Variants in SLC5A8 observed in about 807,000 individuals in gnomAD.
SLC5A8 encodes the protein solute carrier family 5 member 8.
Under a neutral mutation model 71.9 loss-of-function variants are expected in SLC5A8, and 55 were observed. That is an observed-to-expected ratio of 0.77 (90% CI 0.62 to 0.96). The LOEUF is 0.96. Among genes scored for constraint, SLC5A8 ranks in the 40% least tolerant of loss-of-function variants. The probability of loss-of-function intolerance (pLI) is 0.00; values close to 1 mark genes in which losing one functional copy is unlikely to be tolerated. For synonymous variants in SLC5A8, 307 were observed against 276.1 expected (o/e 1.11, Z -1.11); for missense variants, 701 against 745.3 (o/e 0.94, Z 0.69).
rs748215802 is a variant in SLC5A8 at position 101,187,452 on chromosome 12, GA to G, written c.896del (p.Leu299ProfsTer52). 1.2e-6 allele frequency: 2 copies of G among 1,613,872 alleles called. No homozygotes were observed. The highest frequency in any genetic ancestry group is 1.7e-6 in the Non-Finnish European group (2 of 1,179,902). On this transcript the variant is annotated frameshift_variant, in exon 7 of 15. Transcript: ENST00000536262. LOFTEE classifies it high-confidence loss of function. ...AILTCSVFCGLALYSRYHDCD... is the reference protein window; with the variant it reads ...AILTCSVFCGXALYSRYHDCD... ...AGTCATGGTACCTGGAATATAGGGC[GA>G]GCCCACAAAACACTGAGCATGTGAG... is the stretch of plus-strand genomic sequence containing the variant.
At chr12:101,208,853 A>T (rs1311268104) in intron 1 of SLC5A8, among the ~76,000 whole-genome samples, 2 of 152,094 alleles carry the variant, frequency 1.3e-5, no homozygotes, top group Admixed American at 6.5e-5. Context: ...TAATCCTCCC[A>T]ACTGGATGAG....
intron 10 of SLC5A8, among the ~76,000 whole-genome samples, chr12:101,179,564 T>C (rs1224974344): frequency 1.3e-5 from 2 of 152,210 alleles, no homozygotes; most frequent in Non-Finnish European, 2.9e-5. Flanking sequence ...TCCATGTATG[T>C]AGCATTCTTG....
At chr12:101,190,897 C>T (rs527343576) in intron 5 of SLC5A8, among the ~76,000 whole-genome samples, 1 of 152,122 alleles carries the variant, frequency 6.6e-6, no homozygotes, top group East Asian at 1.9e-4. Context: ...TCTAAGGAAA[C>T]TGTCATTTAA....
intron 7 of SLC5A8, among the ~76,000 whole-genome samples, chr12:101,185,648 G>A (rs1046011375): frequency 7.9e-5 from 12 of 152,058 alleles, no homozygotes; most frequent in East Asian, 7.7e-4. Context: ...GCTCGATCTC[G>A]GCTCACTGCA....
intron 7 of SLC5A8, among the ~76,000 whole-genome samples, chr12:101,184,710 G>A (rs1393664244): frequency 1.3e-5 from 2 of 152,190 alleles, no homozygotes; most frequent in African/African-American, 4.8e-5. Flanking sequence ...GCCATTTTGT[G>A]AACTTCAGTC....
Position 101,166,572 on chromosome 12 carries a change from G to T in SLC5A8, c.1448C>A (p.Thr483Asn), listed in dbSNP as rs2051772649. The T allele has an allele frequency of 6.2e-7, 1 of 1,613,948 alleles. No individual in the cohort carries two copies. The highest frequency in any genetic ancestry group is 8.5e-7 in the Non-Finnish European group (1 of 1,179,946). ...TGTCATCAAATTTGTCTCATTGTAG[G>T]TGCTGTTACAGCCTTGGATATCAAG... ...LHLDIQGCNS[T>N]YNETNLMTTT... The change falls in exon 12 of 15, where the codon ACC becomes AAC. Residue 483 changes from threonine to asparagine, a missense_variant. Coordinates refer to ENST00000536262, the MANE Select transcript of SLC5A8 (RefSeq NM_145913.5).
intron 7 of SLC5A8, 108 bp from the exon 8 acceptor site, chr12:101,184,330 TC>T: frequency 4.6e-6 from 4 of 878,572 alleles, no homozygotes; most frequent in Non-Finnish European, 7.1e-6. Context: ...AAGGAGTTAT[TC>T]CACACAAATG....
rs574266646 is a variant in SLC5A8, at chr12:101,197,893, T to G, written c.470-2731A>C. ...AAAAGCACACAATATACATTCTTTT[T>G]GAGAGCATATGGAATGTTCAAGACA... On this transcript the variant is annotated intron_variant, in intron 3 of 14. Coordinates refer to ENST00000536262, the MANE Select transcript of SLC5A8 (RefSeq NM_145913.5). Among the ~76,000 whole-genome samples, 18 of 152,176 alleles carry G rather than the reference T, an allele frequency of 1.2e-4. No homozygotes were observed. The East Asian group carries it at 3.3e-3, about 28-fold the overall frequency.
chr12:101,171,527 G>A (rs761455901), intron 10 of SLC5A8, among the ~76,000 whole-genome samples: 19 of 152,094 alleles, frequency 1.2e-4, no homozygotes, highest in Non-Finnish European at 2.2e-4. Context: ...AGTTGGTGGC[G>A]CCCTTGGAAA....
chr12:101,188,592 A>C (rs1332675351), intron 6 of SLC5A8, among the ~76,000 whole-genome samples: 4 of 152,156 alleles, frequency 2.6e-5, no homozygotes, highest in Non-Finnish European at 5.9e-5. Context: ...GCCTCTGTTC[A>C]GACTGCATTA....
intron 10 of SLC5A8, among the ~76,000 whole-genome samples, chr12:101,175,916 C>T (rs922033377): frequency 2.0e-5 from 3 of 152,040 alleles, no homozygotes; most frequent in East Asian, 3.9e-4. Context: ...AACCACAGAA[C>T]AACTCACAGG....
chr12:101,206,836 T>C (rs997882583), intron 1 of SLC5A8, among the ~76,000 whole-genome samples: 2 of 152,226 alleles, frequency 1.3e-5, no homozygotes, highest in African/African-American at 4.8e-5. Flanking sequence ...GTGGATTAAA[T>C]TGGATTCCTG....
intron 3 of SLC5A8, 59 bp downstream of exon 3, chr12:101,202,105 G>T: frequency 6.6e-7 from 1 of 1,510,216 alleles, no homozygotes; most frequent in East Asian, 2.3e-5. Flanking sequence ...GAGAAAATAA[G>T]GCTTGTTGAA....
intron 6 of SLC5A8, among the ~76,000 whole-genome samples, chr12:101,189,650 G>A (rs1459440206): frequency 6.6e-6 from 1 of 152,100 alleles, no homozygotes; most frequent in Admixed American, 6.5e-5. Context: ...GCCAAGATGG[G>A]CTTGAGAGTT....
At chr12:101,176,765 AG>A (rs2051883465) in intron 10 of SLC5A8, among the ~76,000 whole-genome samples, 1 of 152,102 alleles carries the variant, frequency 6.6e-6, no homozygotes, top group South Asian at 2.1e-4. Flanking sequence ...AGATGTCAAA[AG>A]TTGTGGAACA....
chr12:101,161,956 T>C lies in SLC5A8; in HGVS notation c.1630+18A>G, dbSNP rs1566305052. On this transcript the variant is annotated intron_variant, in intron 13 of 14. Coordinates refer to ENST00000536262, the MANE Select transcript of SLC5A8 (RefSeq NM_145913.5). ...GATATAGAGGTAAATACAACAATAC[T>C]AATGTTTAGATAGTTACCTGTTGAT... 1 of 1,532,564 alleles carries C rather than the reference T, an allele frequency of 6.5e-7. No individual in the cohort carries two copies. The highest frequency in any genetic ancestry group is 9.0e-7 in the Non-Finnish European group (1 of 1,105,994). The allele number at this position is 1,532,564 out of a possible 1,614,324, so 94.9% of individuals were successfully genotyped here.
intron 3 of SLC5A8, among the ~76,000 whole-genome samples, chr12:101,200,378 T>C (rs991627438): frequency 1.3e-5 from 2 of 152,136 alleles, no homozygotes; most frequent in Admixed American, 6.5e-5. Context: ...GTGCATTTTA[T>C]TGTATGTTAA....
At chr12:101,188,445 C>T (rs1868757016) in intron 6 of SLC5A8, among the ~76,000 whole-genome samples, 1 of 152,122 alleles carries the variant, frequency 6.6e-6, no homozygotes, top group Non-Finnish European at 1.5e-5. Flanking sequence ...TCCCTGAAGT[C>T]ATGCCTCCTT....
Position 101,163,893 on chromosome 12 carries a change from TG to T in SLC5A8, c.1527-1817del, listed in dbSNP as rs2051745180. On this transcript the variant is annotated intron_variant, in intron 12 of 14. Coordinates refer to ENST00000536262, the MANE Select transcript of SLC5A8 (RefSeq NM_145913.5). The stretch of plus-strand genomic sequence containing the variant: ...GCAAAAGGGGAGTCTTTTCAATAAA[TG>T]GTGTTTAGTTAACTGAGTATCCACA... Among the ~76,000 whole-genome samples the T allele has an allele frequency of 2.0e-5, 3 of 152,332 alleles. No homozygotes were observed. The East Asian group carries it at 5.8e-4, about 29-fold the overall frequency.
Sources: allele counts gnomAD v4.1 joint callset (sites outside exome capture counted in the v4.1 genomes callset), GRCh38; gene constraint gnomAD v4.1.1; transcripts MANE v1.5; gene names NCBI Gene and HGNC (gene_info 2026-07-23, HGNC 2026-07-21).